VWA8: variants seen among roughly 807,000 people sequenced by gnomAD.
VWA8 encodes the protein von Willebrand factor A domain containing 8.
VWA8 carries 221 observed loss-of-function variants against 241.5 expected under a neutral mutation model. The observed-to-expected ratio is 0.91, with a 90% CI of 0.82 to 1.02. The LOEUF is 1.02. VWA8 is among the 50% of genes least tolerant of loss of function. The pLI is 0.00. For missense variants in VWA8, 2,322 were observed against 2,328.7 expected, an observed-to-expected ratio of 1.00 and a Z score of 0.06; for synonymous variants, 852 against 827.1, an observed-to-expected ratio of 1.03 and a Z score of -0.52.
At chr13:41,860,851 A>C (rs148008575) in intron 12 of VWA8, among the ~76,000 whole-genome samples, 829 of 152,270 alleles carry the variant, frequency 5.4e-3, no homozygotes, top group Non-Finnish European at 9.0e-3. Flanking sequence ...TAGCTCAAAC[A>C]TACAGTATAA....
chr13:41,685,898 T>C (rs545962834), intron 34 of VWA8, among the ~76,000 whole-genome samples: 3 of 152,306 alleles, frequency 2.0e-5, no homozygotes, highest in Admixed American at 1.3e-4. Flanking sequence ...TTACCACGTA[T>C]GTATTTATCC....
At chr13:41,648,844 T>C (rs2044850126) in intron 37 of VWA8, among the ~76,000 whole-genome samples, 1 of 152,224 alleles carries the variant, frequency 6.6e-6, no homozygotes, top group South Asian at 2.1e-4. Flanking sequence ...CTTTAAGAGA[T>C]AGTTTAAAAT....
At chr13:41,901,207 GCCTCAAGTGATCCACCCACCTGGCCT>G (rs1252425335) in intron 4 of VWA8, among the ~76,000 whole-genome samples, 1 of 150,690 alleles carries the variant, frequency 6.6e-6, no homozygotes, top group Non-Finnish European at 1.5e-5. Context: ...TGAACTCCTG[GCCTCAAGTGATCCACCCACCTGGCCT>G]CCTCAAGGGT....
intron 37 of VWA8, among the ~76,000 whole-genome samples, chr13:41,663,767 T>C (rs904085582): frequency 6.6e-6 from 1 of 152,002 alleles, no homozygotes; most frequent in East Asian, 2.0e-4. Flanking sequence ...CGACTTACGA[T>C]GATTCAATTT....
intron 4 of VWA8, among the ~76,000 whole-genome samples, chr13:41,901,889 A>AAT (rs869081141): frequency 0.011 from 942 of 83,068 alleles, 30 homozygotes; most frequent in African/African-American, 0.024. Context: ...AAAAAAAAAA[A>AAT]ATATATATAT....
At chr13:41,597,501 C>A (rs1266165430) in intron 40 of VWA8, among the ~76,000 whole-genome samples, 1 of 152,032 alleles carries the variant, frequency 6.6e-6, no homozygotes, top group Non-Finnish European at 1.5e-5. Context: ...AGTAATATCT[C>A]ATTGCAAAGG....
intron 12 of VWA8, among the ~76,000 whole-genome samples, chr13:41,857,417 C>G (rs1032911229): frequency 6.6e-6 from 1 of 152,076 alleles, no homozygotes; most frequent in African/African-American, 2.4e-5. Flanking sequence ...ATAAAGTACA[C>G]TTGTGAAGTA....
chr13:41,591,658 C>T (rs1204225903), intron 40 of VWA8, among the ~76,000 whole-genome samples: 4 of 150,526 alleles, frequency 2.7e-5, no homozygotes, highest in Admixed American at 1.3e-4. Context: ...GGGCAAAGGA[C>T]ATGAACAGAC....
chr13:41,936,427 A>C (rs1877353845), intron 2 of VWA8, among the ~76,000 whole-genome samples: 1 of 152,106 alleles, frequency 6.6e-6, no homozygotes, highest in Non-Finnish European at 1.5e-5. Context: ...ATATTAAGTG[A>C]GTTATTTCTC....
chr13:41,784,727 T>TATATATATATATATATATATATAC (rs1555335045), intron 18 of VWA8, among the ~76,000 whole-genome samples: 16 of 69,024 alleles, frequency 2.3e-4, no homozygotes, highest in Non-Finnish European at 4.1e-4. Flanking sequence ...TATATATATA[T>TATATATATATATATATATATATAC]ATACACACAC....
chr13:41,704,879 C>T (rs1261337336), intron 26 of VWA8, among the ~76,000 whole-genome samples: 2 of 152,060 alleles, frequency 1.3e-5, no homozygotes, highest in African/African-American at 4.8e-5. Flanking sequence ...AAATAATATG[C>T]ACATGGCTAC....
intron 2 of VWA8, among the ~76,000 whole-genome samples, chr13:41,947,744 G>C (rs544555859): frequency 1.4e-3 from 206 of 151,960 alleles, no homozygotes; most frequent in African/African-American, 4.8e-3. Context: ...AGACCAGCCT[G>C]ATCAATGTGG....
intron 33 of VWA8, 119 bp downstream of exon 33, chr13:41,690,047 T>C: frequency 1.2e-6 from 1 of 807,734 alleles, no homozygotes; most frequent in East Asian, 3.0e-5. Context: ...GTGACTAAGT[T>C]TTTTCTTTTG....
chr13:41,637,062 T>G (rs914870005), intron 37 of VWA8, among the ~76,000 whole-genome samples: 1 of 151,144 alleles, frequency 6.6e-6, no homozygotes, highest in African/African-American at 2.5e-5. Context: ...ATCCCATTAC[T>G]GGGTATATAC....
intron 34 of VWA8, among the ~76,000 whole-genome samples, chr13:41,686,640 A>G (rs1342888655): frequency 1.3e-4 from 20 of 152,026 alleles, no homozygotes; most frequent in Non-Finnish European, 1.5e-5. Flanking sequence ...TCCTTTCAGT[A>G]TCTGTAATTC....
intron 9 of VWA8, 21 bp from the exon 10 acceptor site, chr13:41,868,498 C>G: frequency 6.2e-7 from 1 of 1,604,978 alleles, no homozygotes; most frequent in South Asian, 1.1e-5. Context: ...ACAAGAAAAT[C>G]ATGCAATTTA....
chr13:41,723,697 ATT>A (rs2045410206), intron 24 of VWA8, among the ~76,000 whole-genome samples: 1 of 152,174 alleles, frequency 6.6e-6, no homozygotes, highest in Non-Finnish European at 1.5e-5. Flanking sequence ...ATTAACAGAG[ATT>A]TACAAAAGAC....
chr13:41,681,509 T>C (rs978117159), intron 35 of VWA8, among the ~76,000 whole-genome samples: 10 of 152,208 alleles, frequency 6.6e-5, no homozygotes, highest in Non-Finnish European at 1.3e-4. Flanking sequence ...AAAAAAGCTA[T>C]ATGTTATTTT....
chr13:41,661,735 TATTGTATACATGGC>T (rs1199019476), intron 37 of VWA8, among the ~76,000 whole-genome samples: 11 of 152,222 alleles, frequency 7.2e-5, no homozygotes, highest in African/African-American at 2.4e-4. Flanking sequence ...ATACTATTAT[TATTGTATACATGGC>T]ATTGTATACT....
Sources: allele counts gnomAD v4.1 joint callset (sites outside exome capture counted in the v4.1 genomes callset), GRCh38; gene constraint gnomAD v4.1.1; transcripts MANE v1.5; gene names NCBI Gene and HGNC (gene_info 2026-07-23, HGNC 2026-07-21).